Variants in NPC1 observed in about 807,000 individuals in gnomAD.
NPC1 encodes NPC intracellular cholesterol transporter 1.
Under a neutral mutation model 140.4 loss-of-function variants are expected in NPC1, and 85 were observed. That is an observed-to-expected ratio of 0.61 (90% CI 0.51 to 0.72). NPC1 has a LOEUF of 0.72. Among genes scored for constraint, NPC1 ranks in the 30% least tolerant of loss-of-function variants. The pLI is 0.00. For missense variants in NPC1, 1,504 were observed against 1,623.8 expected (o/e 0.93, Z 1.27); for synonymous variants, 656 against 624.8 (o/e 1.05, Z -0.74).
chr18:23,546,199 A>AGAT (rs1306103947), intron 11 of NPC1, among the ~76,000 whole-genome samples: 2 of 132,104 alleles, frequency 1.5e-5, no homozygotes, highest in African/African-American at 2.8e-5. Context: ...CAGCGAGCTG[A>AGAT]GATCATGCCA....
rs1555633697 is a variant in NPC1, at chr18:23,541,314, G to C, written c.2365C>G (p.Arg789Gly). The change falls in exon 15 of 25, where the codon CGT becomes GGT. Residue 789 changes from arginine (R) to glycine (G), a missense_variant. Arg to Gly is a moderately radical substitution (Grantham distance 125). Transcript: ENST00000269228. ...FVSLLGLDIK[R>G]QEKNRLDIFC... The stretch of plus-strand genomic sequence containing the variant: ...TCCTGGCACCAACTTACCTCTTGAC[G>C]TTTAATGTCTAACCCCAAGAGACTC... 2.9e-5 allele frequency: 47 copies of C among 1,614,198 alleles called. No individual in the cohort carries two copies. Among genetic ancestry groups the C allele is most frequent in the Non-Finnish European group, 4.0e-5 (47 of 1,180,034 alleles).
intron 3 of NPC1, chr18:23,508,148 G>T: frequency 2.0e-6 from 2 of 1,005,234 alleles, no homozygotes; most frequent in Non-Finnish European, 2.8e-6. Flanking sequence ...CTTGAAGTCA[G>T]ACTGTCCCTC....
chr18:23,552,397 G>T (rs1198166471), intron 9 of NPC1, among the ~76,000 whole-genome samples: 3 of 152,218 alleles, frequency 2.0e-5, no homozygotes, highest in Non-Finnish European at 4.4e-5. Context: ...AAGAGTAATG[G>T]ACAGACAAAT....
chr18:23,538,345 G>C (rs991802607), intron 20 of NPC1, among the ~76,000 whole-genome samples, 197 bp downstream of exon 20: 1 of 152,222 alleles, frequency 6.6e-6, no homozygotes, highest in Non-Finnish European at 1.5e-5. Context: ...CCCACGCTAA[G>C]ACAGAATCAG....
rs120074131 is a variant in NPC1 at position 23,533,470 on chromosome 18, C to T, written c.3639G>A (p.Leu1213=). The T allele has an allele frequency of 9.3e-6, 15 of 1,614,098 alleles. No individual in the cohort carries two copies. Among genetic ancestry groups the T allele is most frequent in the Non-Finnish European group, 1.2e-5 (14 of 1,180,040 alleles). ...TLTKFGGIVV[L]AFAKSQIFQI... ...GGAAAATTTGAGATTTGGCAAAAGC[C>T]AACACCACAATCCCTCCAAATTTTG... Residue 1213 remains leucine (L), a synonymous_variant, in exon 24 of 25, where the codon TTG becomes TTA. Transcript: ENST00000269228.
chr18:23,548,096 T>C lies in NPC1; in HGVS notation c.1667A>G (p.Asn556Ser), dbSNP rs1453949308. ...VLGGYDDQNY[N>S]NATALVITFP... ...GGTAATCACAAGGGCAGTGGCGTTA[T>C]TGTAGTTTTGATCTAGAAAGGAAAA... The change falls in exon 11 of 25, where the codon AAT becomes AGT. Residue 556 changes from asparagine (N) to serine (S), a missense_variant. By Grantham distance (46) the Asn-to-Ser change is conservative. Transcript: ENST00000269228. 2.5e-6 allele frequency: 4 copies of C among 1,606,478 alleles called. No homozygotes were observed. The East Asian group carries it at 8.9e-5, about 36-fold the overall frequency.
intron 9 of NPC1, among the ~76,000 whole-genome samples, chr18:23,553,003 C>T (rs1345626100): frequency 6.6e-6 from 1 of 152,226 alleles, no homozygotes; most frequent in Non-Finnish European, 1.5e-5. Context: ...CTGCAGGACC[C>T]TCAGGTGAAA....
At chr18:23,583,106 CAAAA>C (rs3083464) in intron 1 of NPC1, among the ~76,000 whole-genome samples, 2 of 110,006 alleles carry the variant, frequency 1.8e-5, no homozygotes, top group African/African-American at 3.7e-5. Flanking sequence ...GACCCTGTTT[CAAAA>C]AAAAAAAAAA....
intron 1 of NPC1, among the ~76,000 whole-genome samples, chr18:23,581,321 C>T (rs2059352928): frequency 6.6e-6 from 1 of 152,198 alleles, no homozygotes; most frequent in Non-Finnish European, 1.5e-5. Flanking sequence ...TTGAATGAGA[C>T]TGCTCTACTA....
intron 14 of NPC1, among the ~76,000 whole-genome samples, chr18:23,542,338 G>A (rs2058724901): frequency 6.6e-6 from 1 of 151,468 alleles, no homozygotes; most frequent in African/African-American, 2.4e-5. Flanking sequence ...GCTTTGTGGA[G>A]ATGAAGAATA....
At chr18:23,565,696 T>C (rs1050514496) in intron 4 of NPC1, among the ~76,000 whole-genome samples, 1 of 152,206 alleles carries the variant, frequency 6.6e-6, no homozygotes, top group African/African-American at 2.4e-5. Flanking sequence ...TACTCCTAAG[T>C]ATTTCCCATA....
intron 1 of NPC1, among the ~76,000 whole-genome samples, chr18:23,582,641 A>G (rs2059369426): frequency 6.6e-6 from 1 of 151,876 alleles, no homozygotes; most frequent in South Asian, 2.1e-4. Context: ...CTTCTCTACT[A>G]AAAATACAAA....
intron 9 of NPC1, among the ~76,000 whole-genome samples, chr18:23,553,395 G>A (rs1445599064): frequency 6.6e-6 from 1 of 152,184 alleles, no homozygotes; most frequent in East Asian, 1.9e-4. Flanking sequence ...TGGAGCATAA[G>A]CTATTGTGTT....
At position 23,543,380 on chromosome 18, in the gene NPC1, A is replaced by C. The variant is rs1395903013; in HGVS notation, c.2245+75T>G. ...AAAAAAGGAAGCAACACAAAGGGACATGTTCAGGTAGCCAGCTCCTTCTTT... is the reference window on the plus strand; with the variant it reads ...AAAAAAGGAAGCAACACAAAGGGACCTGTTCAGGTAGCCAGCTCCTTCTTT... On this transcript the variant is annotated intron_variant, in intron 14 of 24. Coordinates refer to ENST00000269228, the MANE Select transcript of NPC1 (RefSeq NM_000271.5). The C allele has an allele frequency of 4.8e-6, 4 of 830,970 alleles. No homozygotes were observed. The African/African-American group carries it at 6.7e-5, about 14-fold the overall frequency. 51.5% of individuals were successfully genotyped at this position (830,970 alleles called of 1,614,324 possible). A position where few individuals can be genotyped will look rare whatever the true frequency, so the allele number is the denominator to read the frequency against.
chr18:23,540,087 GC>G, intron 17 of NPC1, 86 bp from the exon 18 acceptor site: 1 of 1,201,268 alleles, frequency 8.3e-7, no homozygotes, highest in Non-Finnish European at 1.2e-6. Context: ...ATAAGAGGGT[GC>G]CAGGAGGTTC....
chr18:23,535,644 T>A lies in NPC1; in HGVS notation c.3302A>T (p.Asn1101Ile). ...TATCGCGCCCAGGGACACACCGAGG[T>A]TGAAGATAGTGTCGTCAATGATGGT... Reference protein sequence around the residue: ...YLTIIDDTIFNLGVSLGAIFL... With the variant: ...YLTIIDDTIFILGVSLGAIFL... The change falls in exon 22 of 25, where the codon AAC (asparagine) becomes ATC (isoleucine). Residue 1101 changes from asparagine to isoleucine, a missense_variant. Physicochemically the swap from Asn to Ile is moderately radical, Grantham distance 149. Transcript: ENST00000269228. 6.2e-7 allele frequency: 1 copy of A among 1,613,768 alleles called. No individual in the cohort carries two copies. Among genetic ancestry groups the A allele is most frequent in the Non-Finnish European group, 8.5e-7 (1 of 1,179,930 alleles).
intron 1 of NPC1, among the ~76,000 whole-genome samples, chr18:23,581,628 T>C (rs2145586159): frequency 6.6e-6 from 1 of 152,256 alleles, no homozygotes; most frequent in African/African-American, 2.4e-5. Context: ...TCTCTAGTCT[T>C]ATGTAATCTA....
chr18:23,558,536 A>C (rs1382346324), intron 6 of NPC1, among the ~76,000 whole-genome samples: 1 of 152,238 alleles, frequency 6.6e-6, no homozygotes, highest in Non-Finnish European at 1.5e-5. Context: ...AAAAGGAAAG[A>C]CTGAGGAACT....
At chr18:23,511,973 A>G (rs1000954028) in intron 3 of NPC1, among the ~76,000 whole-genome samples, 23 of 149,490 alleles carry the variant, frequency 1.5e-4, no homozygotes, top group African/African-American at 5.4e-4. Context: ...AGGACTGGAT[A>G]TTATCAGTCT....
Sources: gnomAD v4.1 joint callset for allele counts (sites outside exome capture counted in the v4.1 genomes callset) on GRCh38, gnomAD v4.1.1 for gene constraint, MANE v1.5 for transcripts, NCBI Gene and HGNC (gene_info 2026-07-23, HGNC 2026-07-21) for gene names.